The following ALDH7A1 variants were observed in gnomAD, a reference collection of about 807,000 sequenced individuals.
The protein encoded by ALDH7A1 is aldehyde dehydrogenase 7 family member A1, also known as alpha-aminoadipic semialdehyde dehydrogenase.
In ALDH7A1, 63 loss-of-function variants were observed where a neutral mutation model predicts 79.9. That is an observed-to-expected ratio of 0.79 (90% CI 0.64 to 0.97). The LOEUF is 0.97. Among genes scored for constraint, ALDH7A1 ranks in the 50% least tolerant of loss-of-function variants. ALDH7A1 has a pLI of 0.00. For missense variants in ALDH7A1, 627 were observed against 665.2 expected (o/e 0.94, Z 0.63); for synonymous variants, 240 against 231.2 (o/e 1.04, Z -0.34).
At position 126,593,371 on chromosome 5, in the gene ALDH7A1, G is replaced by T; in HGVS notation, c.226C>A (p.Pro76Thr). Residue 76 changes from proline (P) to threonine (T), a missense_variant, in exon 2 of 18, where the codon CCA (proline) becomes ACA (threonine). Pro to Thr is a conservative substitution (Grantham distance 38). Transcript: ENST00000409134. ...CTTACCTGTCGGACTCTTGCTATTG[G>T]CTCGTTGTTAGCAGGGCAATAGGTC... Reference protein sequence around the residue: ...ITTYCPANNEPIARVRQASVA... With the variant: ...ITTYCPANNETIARVRQASVA... 1 of 1,612,182 alleles carries T rather than the reference G, an allele frequency of 6.2e-7. No individual in the cohort carries two copies. The highest frequency in any genetic ancestry group is 8.5e-7 in the Non-Finnish European group (1 of 1,179,846).
intron 2 of ALDH7A1, 31 bp downstream of exon 2, chr5:126,593,320 C>CACACACAA (rs1751617166): frequency 1.3e-6 from 2 of 1,562,872 alleles, no homozygotes; most frequent in Non-Finnish European, 1.7e-6. Flanking sequence ...CACACACACA[C>CACACACAA]ACACACACAC....
intron 10 of ALDH7A1, among the ~76,000 whole-genome samples, chr5:126,560,131 T>C (rs1412590739): frequency 6.6e-6 from 1 of 152,154 alleles, no homozygotes; most frequent in Non-Finnish European, 1.5e-5. Flanking sequence ...CAGACACTAG[T>C]GCTCACTAAA....
At chr5:126,549,401 A>G (rs1278050893) in intron 16 of ALDH7A1, 2 of 152,932 alleles carry the variant, frequency 1.3e-5, no homozygotes, top group Non-Finnish European at 2.9e-5. Context: ...TTAATAAATA[A>G]TACTTAATAT....
At chr5:126,590,664 C>G (rs913405708) in intron 3 of ALDH7A1, among the ~76,000 whole-genome samples, 1 of 151,994 alleles carries the variant, frequency 6.6e-6, no homozygotes, top group East Asian at 1.9e-4. Context: ...GAGGGCAGAT[C>G]GTTTGAACTT....
chr5:126,593,016 C>T (rs1200109247), intron 2 of ALDH7A1, among the ~76,000 whole-genome samples: 1 of 152,170 alleles, frequency 6.6e-6, no homozygotes, highest in Non-Finnish European at 1.5e-5. Flanking sequence ...TGAGCTCCAA[C>T]CCAGACTTCG....
chr5:126,560,462 C>G (rs1750366818), intron 10 of ALDH7A1, among the ~76,000 whole-genome samples: 1 of 152,032 alleles, frequency 6.6e-6, no homozygotes, highest in African/African-American at 2.4e-5. Flanking sequence ...CAGAGTAAGA[C>G]TCCCGTCTCA....
intron 5 of ALDH7A1, chr5:126,581,531 G>A (rs917709344): frequency 6.6e-6 from 1 of 151,992 alleles, no homozygotes; most frequent in African/African-American, 2.4e-5. Flanking sequence ...TGAGGTAGGA[G>A]GATCACCTGA....
intron 8 of ALDH7A1, 60 bp downstream of exon 8, chr5:126,570,722 G>T: frequency 1.4e-6 from 2 of 1,480,218 alleles, no homozygotes; most frequent in South Asian, 1.1e-5. Flanking sequence ...TAGTAACGAT[G>T]ATTCTAGTTG....
intron 11 of ALDH7A1, 29 bp downstream of exon 11, chr5:126,559,211 G>A (rs1416684549): frequency 6.3e-7 from 1 of 1,587,000 alleles, no homozygotes; most frequent in East Asian, 2.2e-5. Flanking sequence ...TTAAGAGCAA[G>A]ACAATCGGGC....
At position 126,582,975 on chromosome 5, in the gene ALDH7A1, C is replaced by T; in HGVS notation, c.394-1G>A. On this transcript the variant is annotated splice_acceptor_variant, in intron 4 of 17. Coordinates refer to ENST00000409134, the MANE Select transcript of ALDH7A1 (RefSeq NM_001182.5). LOFTEE classifies it high-confidence loss of function. Reference sequence around the variant, plus strand: ...AGATTTTCCCCATCTCCAAAGACACCTAGAAATATAAAACGACAAGCAGAA... The same window carrying T: ...AGATTTTCCCCATCTCCAAAGACACTTAGAAATATAAAACGACAAGCAGAA... 6.2e-7 allele frequency: 1 copy of T among 1,613,870 alleles called. No homozygotes were observed. The highest frequency in any genetic ancestry group is 8.5e-7 in the Non-Finnish European group (1 of 1,179,906).
At position 126,552,094 on chromosome 5, in the gene ALDH7A1, G is replaced by A. The variant is rs751898560; in HGVS notation, c.1244C>T (p.Thr415Ile). ...PGNYVEPTIV[T>I]GLGHDASIAH... ...AATGGACGCATCGTGGCCAAGACCTGTCACAATTGTCGGTTCTACATAATT... is the reference window on the plus strand; with the variant it reads ...AATGGACGCATCGTGGCCAAGACCTATCACAATTGTCGGTTCTACATAATT... The change falls in exon 14 of 18, where the codon ACA becomes ATA. Residue 415 changes from threonine (T) to isoleucine (I), a missense_variant. Coordinates refer to ENST00000409134, the MANE Select transcript of ALDH7A1 (RefSeq NM_001182.5). The A allele has an allele frequency of 5.0e-6, 8 of 1,613,922 alleles. No homozygotes were observed. The highest frequency in any genetic ancestry group is 6.8e-6 in the Non-Finnish European group (8 of 1,179,998).
intron 5 of ALDH7A1, among the ~76,000 whole-genome samples, chr5:126,579,183 C>T (rs1177452150): frequency 6.6e-6 from 1 of 152,238 alleles, no homozygotes; most frequent in African/African-American, 2.4e-5. Context: ...TCTGCCCTAC[C>T]ACTGCACCCT....
At chr5:126,550,348 C>A (rs767487773) in intron 14 of ALDH7A1, 55 bp from the exon 15 acceptor site, 5 of 1,331,966 alleles carry the variant, frequency 3.8e-6, no homozygotes, top group Non-Finnish European at 5.4e-6. Context: ...AGTCAAAGTT[C>A]ACTGACATTA....
At chr5:126,549,642 G>A (rs1749920645) in intron 16 of ALDH7A1, 1 of 342,512 alleles carries the variant, frequency 2.9e-6, no homozygotes, top group South Asian at 6.1e-5. Flanking sequence ...AATCTTTTTT[G>A]GGTCTGGAAA....
chr5:126,572,587 A>G (rs1222273212), intron 7 of ALDH7A1, among the ~76,000 whole-genome samples: 1 of 152,232 alleles, frequency 6.6e-6, no homozygotes, highest in African/African-American at 2.4e-5. Context: ...CTGCCTGGTC[A>G]CTTCCATCTG....
At chr5:126,547,011 A>C (rs368241833) in intron 16 of ALDH7A1, among the ~76,000 whole-genome samples, 1 of 152,262 alleles carries the variant, frequency 6.6e-6, no homozygotes, top group African/African-American at 2.4e-5. Context: ...CAAAGTAAAA[A>C]GAGACATAAC....
intron 11 of ALDH7A1, among the ~76,000 whole-genome samples, chr5:126,557,009 T>C (rs575228368): frequency 1.1e-4 from 17 of 152,306 alleles, no homozygotes; most frequent in African/African-American, 3.8e-4. Context: ...CGTCTATGAA[T>C]ATTTGCTCCA....
rs1220594348 is a variant in ALDH7A1, at chr5:126,544,993, G to C, written c.1592C>G (p.Pro531Arg). 6 of 1,610,586 alleles carry C rather than the reference G, an allele frequency of 3.7e-6. No individual in the cohort carries two copies. The highest frequency in any genetic ancestry group is 5.1e-6 in the Non-Finnish European group (6 of 1,176,980). The change falls in exon 18 of 18, where the codon CCT (proline) becomes CGT (arginine). Residue 531 changes from proline to arginine, a missense_variant. Pro to Arg is a moderately radical substitution (Grantham distance 103, BLOSUM62 -2). Coordinates refer to ENST00000409134, the MANE Select transcript of ALDH7A1 (RefSeq NM_001182.5). ...TCTINYSKDL[P>R]LAQGIKFQ ...CTGAAACTTGATTCCTTGGGCCAGA[G>C]GAAGGTCTTTACTGTAGTTGATAGT...
chr5:126,587,586 G>A, intron 3 of ALDH7A1: 1 of 151,672 alleles, frequency 6.6e-6, no homozygotes, highest in Non-Finnish European at 1.5e-5. Context: ...AGCCGAGATG[G>A]CACCATTGCA....
Sources: gnomAD v4.1 joint callset for allele counts (sites outside exome capture counted in the v4.1 genomes callset) on GRCh38, gnomAD v4.1.1 for gene constraint, MANE v1.5 for transcripts, NCBI Gene and HGNC (gene_info 2026-07-23, HGNC 2026-07-21) for gene names.